RASEF: variants seen among roughly 807,000 people sequenced by gnomAD.
RASEF encodes the protein RAS and EF-hand domain containing.
A neutral mutation model predicts 90.1 loss-of-function variants in RASEF; 68 were observed. The ratio of observed to expected loss-of-function variants is 0.75; its 90% confidence interval spans 0.62 to 0.92. The LOEUF (loss-of-function observed/expected upper bound fraction) is 0.92, where lower values mean the gene tolerates loss of function less well. RASEF is among the 40% of genes least tolerant of loss of function. The probability of loss-of-function intolerance (pLI) is 0.00; values close to 1 mark genes in which losing one functional copy is unlikely to be tolerated. For synonymous variants in RASEF, 331 were observed against 345.2 expected (o/e 0.96, Z 0.46); for missense variants, 949 against 937.2 (o/e 1.01, Z -0.16).
At chr9:83,132,515 G>T in the RASEF span, among the ~76,000 whole-genome samples, 3 of 152,118 alleles carry the variant, frequency 2.0e-5, no homozygotes, top group Non-Finnish European at 4.4e-5. Context: ...AGTGATTATT[G>T]TCTTATGCCT....
chr9:82,986,740 A>C (rs2118365969), intron 16 of RASEF, among the ~76,000 whole-genome samples: 1 of 152,348 alleles, frequency 6.6e-6, no homozygotes, highest in South Asian at 2.1e-4. Context: ...CTGATACATC[A>C]GCCTAAGTTT....
At chr9:83,089,555 A>C in the RASEF span, among the ~76,000 whole-genome samples, 1 of 152,190 alleles carries the variant, frequency 6.6e-6, no homozygotes, top group Non-Finnish European at 1.5e-5. Context: ...TACCAGATAG[A>C]GAAGTCTGTC....
At chr9:83,177,122 G>C in the RASEF span, among the ~76,000 whole-genome samples, 2 of 151,966 alleles carry the variant, frequency 1.3e-5, no homozygotes, top group East Asian at 3.9e-4. Flanking sequence ...GTTTTGTAAA[G>C]TTGCTTTTTA....
chr9:83,147,697 C>A, the RASEF span, among the ~76,000 whole-genome samples: 1 of 152,120 alleles, frequency 6.6e-6, no homozygotes, highest in African/African-American at 2.4e-5. Context: ...GCTCAGTGCC[C>A]TTTTGGTACC....
chr9:83,140,932 C>A, the RASEF span, among the ~76,000 whole-genome samples: 2 of 152,042 alleles, frequency 1.3e-5, no homozygotes, highest in Non-Finnish European at 2.9e-5. Flanking sequence ...AACCTTAGGT[C>A]AGGAGTTCGA....
At chr9:83,158,590 ATAT>A in the RASEF span, among the ~76,000 whole-genome samples, 2 of 147,542 alleles carry the variant, frequency 1.4e-5, no homozygotes, top group Non-Finnish European at 3.0e-5. Flanking sequence ...TTATATGTAT[ATAT>A]GTCCAAATAT....
At chr9:83,159,173 G>A in the RASEF span, among the ~76,000 whole-genome samples, 4 of 134,850 alleles carry the variant, frequency 3.0e-5, no homozygotes, top group East Asian at 2.1e-4. Flanking sequence ...GCGACAGAGC[G>A]AGACTCCGTC....
chr9:83,120,429 GT>G, the RASEF span, among the ~76,000 whole-genome samples: 1 of 152,186 alleles, frequency 6.6e-6, no homozygotes, highest in Non-Finnish European at 1.5e-5. Context: ...CAAGACAGGT[GT>G]CAGTCATGGA....
the RASEF span, among the ~76,000 whole-genome samples, chr9:83,212,609 G>A: frequency 3.3e-5 from 5 of 152,170 alleles, no homozygotes; most frequent in African/African-American, 1.2e-4. Flanking sequence ...TTGGACCTCT[G>A]CGCTTCACTG....
chr9:83,191,739 C>T, the RASEF span, among the ~76,000 whole-genome samples: 3 of 152,238 alleles, frequency 2.0e-5, no homozygotes, highest in South Asian at 6.2e-4. Context: ...TGTTCACTTC[C>T]TCTCACCTCC....
chr9:83,187,080 C>A, the RASEF span, among the ~76,000 whole-genome samples: 1 of 152,124 alleles, frequency 6.6e-6, no homozygotes. Flanking sequence ...TAGCTTAGAG[C>A]CCCTCAGATT....
In RASEF at chr9:83,039,943, C is replaced by T. The variant is rs552842849; in HGVS notation, c.432-14022G>A. On this transcript the variant is annotated intron_variant, in intron 1 of 16. Coordinates refer to ENST00000376447, the MANE Select transcript of RASEF (RefSeq NM_152573.4). Reference sequence around the variant, plus strand: ...CATCTTAACTGTAGCTCCCATAATTCCCATGTGTCATGGGAGGTACCTGAT... The same window carrying T: ...CATCTTAACTGTAGCTCCCATAATTTCCATGTGTCATGGGAGGTACCTGAT... Among the ~76,000 whole-genome samples the T allele has an allele frequency of 2.0e-5, 3 of 152,096 alleles. No individual in the cohort carries two copies. In the South Asian group the frequency reaches 6.2e-4, roughly 32 times the overall value.
At chr9:83,098,750 G>T in the RASEF span, among the ~76,000 whole-genome samples, 4 of 152,290 alleles carry the variant, frequency 2.6e-5, no homozygotes, top group Admixed American at 1.3e-4. Context: ...GGGAGCTTGT[G>T]CAGGGAATTC....
At chr9:83,007,747 C>A (rs1829160369) in intron 6 of RASEF, among the ~76,000 whole-genome samples, 1 of 152,152 alleles carries the variant, frequency 6.6e-6, no homozygotes, top group Non-Finnish European at 1.5e-5. Flanking sequence ...CCGCCTCCGA[C>A]ATCACAAGCC....
Position 83,036,065 on chromosome 9 carries a change from GAA to G in RASEF, c.432-10146_432-10145del, listed in dbSNP as rs554440540. On this transcript the variant is annotated intron_variant, in intron 1 of 16. Transcript: ENST00000376447. The stretch of plus-strand genomic sequence containing the variant: ...TTAGTGTGTGAGACATCCATGCAGT[GAA>G]AAGATAGAATAATATGTGGCTAAAT... 1.8e-4 allele frequency among the ~76,000 whole-genome samples: 28 copies of G among 152,320 alleles called. 1 individual carries two copies. The South Asian group carries it at 5.4e-3, about 29-fold the overall frequency.
chr9:83,147,748 C>T, the RASEF span, among the ~76,000 whole-genome samples: 1 of 152,132 alleles, frequency 6.6e-6, no homozygotes, highest in Non-Finnish European at 1.5e-5. Flanking sequence ...AGGTTACACA[C>T]AGACTTGAAG....
chr9:83,144,422 A>AAAG, the RASEF span, among the ~76,000 whole-genome samples: 35 of 113,602 alleles, frequency 3.1e-4, no homozygotes, highest in Middle Eastern at 5.2e-3. Flanking sequence ...GAAAGAAAAG[A>AAAG]AAAGAAAGAA....
At chr9:83,197,993 T>A in the RASEF span, among the ~76,000 whole-genome samples, 1 of 152,204 alleles carries the variant, frequency 6.6e-6, no homozygotes, top group South Asian at 2.1e-4. Flanking sequence ...AGAATCATCT[T>A]TTGGAAATTA....
the RASEF span, among the ~76,000 whole-genome samples, chr9:83,173,640 C>T: frequency 6.6e-6 from 1 of 151,584 alleles, no homozygotes; most frequent in Admixed American, 6.6e-5. Flanking sequence ...TTCTGAATTC[C>T]TTCTCTGTGT....
Sources: allele counts gnomAD v4.1 joint callset (sites outside exome capture counted in the v4.1 genomes callset), GRCh38; gene constraint gnomAD v4.1.1; transcripts MANE v1.5; gene names NCBI Gene and HGNC (gene_info 2026-07-23, HGNC 2026-07-21).